The following XKR6 variants were observed in gnomAD, a reference collection of about 807,000 sequenced individuals.
XKR6 encodes the protein XK-related protein 6.
A neutral mutation model predicts 56.7 loss-of-function variants in XKR6; 22 were observed. That is an observed-to-expected ratio of 0.39 (90% confidence interval 0.28 to 0.55). The LOEUF (loss-of-function observed/expected upper bound fraction) is 0.55, where lower values mean the gene tolerates loss of function less well. XKR6 is among the 20% of genes least tolerant of loss of function. The probability of loss-of-function intolerance (pLI) is 0.66; values close to 1 mark genes in which losing one functional copy is unlikely to be tolerated. For missense variants in XKR6, 852 were observed against 889.0 expected (o/e 0.96, Z 0.53); for synonymous variants, 524 against 387.8 (o/e 1.35, Z -4.13).
At chr8:10,978,527 T>A (rs1259410318) in intron 1 of XKR6, among the ~76,000 whole-genome samples, 1 of 152,192 alleles carries the variant, frequency 6.6e-6, no homozygotes, top group Non-Finnish European at 1.5e-5. Context: ...ATTTTATCAC[T>A]TGGGCTTTTT....
intron 2 of XKR6, among the ~76,000 whole-genome samples, chr8:10,900,291 C>A (rs1013423876): frequency 6.6e-6 from 1 of 152,158 alleles, no homozygotes; most frequent in Non-Finnish European, 1.5e-5. Context: ...CTTCCCCAGA[C>A]CACCAGGCTT....
At chr8:11,044,714 G>A (rs1211577408) in intron 1 of XKR6, among the ~76,000 whole-genome samples, 2 of 151,782 alleles carry the variant, frequency 1.3e-5, no homozygotes, top group Non-Finnish European at 2.9e-5. Flanking sequence ...TGCCTCCTGG[G>A]TTCAAGTGAT....
At chr8:11,038,879 G>C (rs13251528) in intron 1 of XKR6, among the ~76,000 whole-genome samples, 21,120 of 152,034 alleles carry the variant, frequency 0.14, 2,043 homozygotes, top group Non-Finnish European at 0.22. Context: ...ATTTAGATTG[G>C]CTTAGTTTGG....
intron 2 of XKR6, among the ~76,000 whole-genome samples, chr8:10,908,741 T>C (rs1328277101): frequency 1.3e-5 from 2 of 152,192 alleles, no homozygotes; most frequent in Non-Finnish European, 2.9e-5. Flanking sequence ...TTAATCACCA[T>C]TACAGCATTG....
In XKR6 at chr8:11,148,351, C is replaced by T. The variant is rs375574400; in HGVS notation, c.764+52225G>A. 3.9e-5 allele frequency among the ~76,000 whole-genome samples: 6 copies of T among 152,268 alleles called. No homozygotes were observed. The East Asian group carries it at 9.7e-4, about 25-fold the overall frequency. ...CGGGATGTGCATGCTCAGAGCAAAG[C>T]CCATGTAACAAGGCAGGTGGAGGGC... On this transcript the variant is annotated intron_variant, in intron 1 of 2. Transcript: ENST00000416569.
At chr8:11,172,501 A>T (rs1802430832) in intron 1 of XKR6, among the ~76,000 whole-genome samples, 1 of 152,190 alleles carries the variant, frequency 6.6e-6, no homozygotes, top group African/African-American at 2.4e-5. Flanking sequence ...CAAATTTTAG[A>T]TCTGCACAAG....
intron 1 of XKR6, among the ~76,000 whole-genome samples, chr8:11,197,061 T>C (rs1803929985): frequency 6.6e-6 from 1 of 152,192 alleles, no homozygotes; most frequent in African/African-American, 2.4e-5. Flanking sequence ...AACTGGATGG[T>C]GCCATTATAA....
chr8:10,961,535 G>A (rs149161762), intron 1 of XKR6, among the ~76,000 whole-genome samples: 1 of 152,216 alleles, frequency 6.6e-6, no homozygotes, highest in East Asian at 1.9e-4. Context: ...GTCCACACTT[G>A]ATGAGTACAT....
At chr8:10,994,870 C>A (rs1005060476) in intron 1 of XKR6, among the ~76,000 whole-genome samples, 8 of 152,118 alleles carry the variant, frequency 5.3e-5, no homozygotes, top group Non-Finnish European at 1.0e-4. Flanking sequence ...AGAAAAAGGA[C>A]AGCAGTGGGT....
intron 1 of XKR6, among the ~76,000 whole-genome samples, chr8:11,128,094 G>A (rs1342426384): frequency 3.9e-5 from 6 of 152,090 alleles, no homozygotes; most frequent in Non-Finnish European, 7.4e-5. Context: ...CAATTAATAC[G>A]GGACTAATTA....
intron 1 of XKR6, among the ~76,000 whole-genome samples, chr8:11,088,776 T>A (rs750962467): frequency 2.0e-5 from 3 of 152,244 alleles, no homozygotes; most frequent in Non-Finnish European, 4.4e-5. Flanking sequence ...GTGCAAGGCA[T>A]TAAAATAGAA....
intron 1 of XKR6, among the ~76,000 whole-genome samples, chr8:11,144,517 G>A (rs545760484): frequency 6.6e-6 from 1 of 151,960 alleles, no homozygotes; most frequent in East Asian, 1.9e-4. Context: ...CCAGGGCGCA[G>A]GCACAGGATG....
intron 1 of XKR6, among the ~76,000 whole-genome samples, chr8:11,136,452 C>A (rs924330975): frequency 2.1e-5 from 3 of 143,668 alleles, no homozygotes; most frequent in Non-Finnish European, 3.0e-5. Flanking sequence ...TGTGGTGAGC[C>A]AAGATTGCGC....
At chr8:10,988,618 C>A (rs1797918391) in intron 1 of XKR6, among the ~76,000 whole-genome samples, 2 of 152,182 alleles carry the variant, frequency 1.3e-5, no homozygotes, top group African/African-American at 2.4e-5. Context: ...AGTCCATGAT[C>A]TACTGCTGAC....
At chr8:10,928,719 G>A (rs1343503336) in intron 1 of XKR6, among the ~76,000 whole-genome samples, 2 of 152,184 alleles carry the variant, frequency 1.3e-5, no homozygotes, top group African/African-American at 4.8e-5. Flanking sequence ...CCAGAGGTGC[G>A]CTCCGAGGGG....
At chr8:11,035,459 G>C (rs17152791) in intron 1 of XKR6, among the ~76,000 whole-genome samples, 4,612 of 152,228 alleles carry the variant, frequency 0.03, 219 homozygotes, top group African/African-American at 0.096. Flanking sequence ...GATCCAAGAA[G>C]TGGGGTAATC....
At chr8:10,974,771 G>T (rs556899642) in intron 1 of XKR6, among the ~76,000 whole-genome samples, 1 of 152,300 alleles carries the variant, frequency 6.6e-6, no homozygotes, top group Non-Finnish European at 1.5e-5. Context: ...GTGGCAAGTA[G>T]TGAAGGAAGC....
intron 1 of XKR6, among the ~76,000 whole-genome samples, chr8:10,987,160 G>C (rs777774402): frequency 1.3e-5 from 2 of 152,182 alleles, no homozygotes; most frequent in Non-Finnish European, 2.9e-5. Flanking sequence ...TGTTTAAGCA[G>C]CTTCAAGTCT....
intron 1 of XKR6, among the ~76,000 whole-genome samples, chr8:11,059,460 G>A (rs1246166120): frequency 2.0e-5 from 3 of 152,138 alleles, no homozygotes; most frequent in Non-Finnish European, 4.4e-5. Flanking sequence ...CGCCGGCGCC[G>A]AGAAGGAGGC....
Sources: allele counts gnomAD v4.1 joint callset (sites outside exome capture counted in the v4.1 genomes callset), GRCh38; gene constraint gnomAD v4.1.1; transcripts MANE v1.5; gene names NCBI Gene and HGNC (gene_info 2026-07-23, HGNC 2026-07-21).